The following CTIF variants were observed in gnomAD, a reference collection of about 807,000 sequenced individuals.
CTIF encodes cap binding complex dependent translation initiation factor.
Under a neutral mutation model 66.0 loss-of-function variants are expected in CTIF, and 21 were observed. That is an observed-to-expected ratio of 0.32 (90% CI 0.23 to 0.46). CTIF has a LOEUF of 0.46. CTIF is among the 20% of genes least tolerant of loss of function. The pLI is 1.00. For missense variants in CTIF, 739 were observed against 812.7 expected, an observed-to-expected ratio of 0.91 and a Z score of 1.10; for synonymous variants, 345 against 326.4, an observed-to-expected ratio of 1.06 and a Z score of -0.62.
intron 1 of CTIF, among the ~76,000 whole-genome samples, chr18:48,575,778 G>T (rs1278808361): frequency 1.3e-5 from 2 of 152,226 alleles, no homozygotes; most frequent in African/African-American, 2.4e-5. Flanking sequence ...CTGGGCTGTG[G>T]CCGCAACCCC....
chr18:48,653,992 C>T (rs1484671497), intron 3 of CTIF, among the ~76,000 whole-genome samples: 1 of 152,140 alleles, frequency 6.6e-6, no homozygotes, highest in African/African-American at 2.4e-5. Flanking sequence ...GGATTAAAGA[C>T]TTAAATGTTA....
chr18:48,688,192 G>C (rs2091873211), intron 6 of CTIF: 1 of 152,284 alleles, frequency 6.6e-6, no homozygotes, highest in Non-Finnish European at 1.5e-5. Context: ...TTTGTCAGCT[G>C]CTCCTCCTCT....
chr18:48,811,468 C>T (rs973376284), intron 9 of CTIF, among the ~76,000 whole-genome samples: 3 of 152,122 alleles, frequency 2.0e-5, no homozygotes, highest in African/African-American at 7.2e-5. Flanking sequence ...TCTAAGTGTA[C>T]AGTTCAATAG....
chr18:48,566,074 A>C (rs2089274161), intron 1 of CTIF: 2 of 152,196 alleles, frequency 1.3e-5, no homozygotes, highest in Admixed American at 6.5e-5. Flanking sequence ...AACAGGCAAC[A>C]AGTTCTGCCA....
chr18:48,773,884 G>C (rs572974840), intron 9 of CTIF, among the ~76,000 whole-genome samples: 1 of 152,326 alleles, frequency 6.6e-6, no homozygotes, highest in East Asian at 1.9e-4. Context: ...ACAGGAAGAG[G>C]AGATGACAGG....
At chr18:48,689,681 G>T (rs554455283) in intron 6 of CTIF, among the ~76,000 whole-genome samples, 1 of 152,210 alleles carries the variant, frequency 6.6e-6, no homozygotes, top group African/African-American at 2.4e-5. Flanking sequence ...CCCCAGGCCA[G>T]CGCAGATGAG....
chr18:48,669,564 C>G (rs1296797422), intron 5 of CTIF, among the ~76,000 whole-genome samples: 1 of 151,628 alleles, frequency 6.6e-6, no homozygotes, highest in African/African-American at 2.4e-5. Context: ...AATTAATCAC[C>G]CTCCTGCCTC....
At chr18:48,732,962 G>A (rs531003449) in intron 7 of CTIF, among the ~76,000 whole-genome samples, 1 of 152,328 alleles carries the variant, frequency 6.6e-6, no homozygotes, top group South Asian at 2.1e-4. Flanking sequence ...AGACAAGATT[G>A]GGCATGTTCA....
At position 48,859,567 on chromosome 18, in the gene CTIF, G is replaced by C; in HGVS notation, c.*8G>C. The C allele has an allele frequency of 6.2e-7, 1 of 1,613,538 alleles. No individual in the cohort carries two copies. Among genetic ancestry groups the C allele is most frequent in the Non-Finnish European group, 8.5e-7 (1 of 1,179,786 alleles). On this transcript the variant is annotated 3_prime_UTR_variant, in exon 12 of 12. Coordinates refer to ENST00000256413, the MANE Select transcript of CTIF (RefSeq NM_014772.3). ...CAGAAACTGACAGCCTGACAGCCAG[G>C]GGGCCTGGCAGGCGGCCCACGGGCA...
intron 7 of CTIF, among the ~76,000 whole-genome samples, chr18:48,743,546 C>A (rs2092571933): frequency 6.6e-6 from 1 of 152,186 alleles, no homozygotes; most frequent in South Asian, 2.1e-4. Context: ...GGTAATATGT[C>A]ATTTTGAAAT....
At chr18:48,574,552 G>T (rs182188861) in intron 1 of CTIF, among the ~76,000 whole-genome samples, 21 of 152,192 alleles carry the variant, frequency 1.4e-4, no homozygotes, top group Admixed American at 1.4e-3. Context: ...GCCCAGGGCC[G>T]CTTGGGACCC....
intron 3 of CTIF, among the ~76,000 whole-genome samples, chr18:48,652,914 G>A (rs1158278388): frequency 3.3e-5 from 5 of 152,138 alleles, no homozygotes; most frequent in Admixed American, 1.3e-4. Context: ...AAAGGCCTTT[G>A]ACAAAATTCA....
At chr18:48,590,445 G>A (rs903750562) in intron 1 of CTIF, among the ~76,000 whole-genome samples, 3 of 152,264 alleles carry the variant, frequency 2.0e-5, no homozygotes, top group Non-Finnish European at 4.4e-5. Flanking sequence ...CTCAGAATTG[G>A]AAGGATCAGA....
intron 2 of CTIF, 114 bp from the exon 3 acceptor site, chr18:48,636,500 A>G: frequency 3.0e-6 from 2 of 674,822 alleles, no homozygotes; most frequent in Non-Finnish European, 4.5e-6. Context: ...ATGGCCAAAT[A>G]GGATTCCACA....
intron 1 of CTIF, among the ~76,000 whole-genome samples, chr18:48,608,497 C>T (rs1449930584): frequency 6.6e-6 from 1 of 152,036 alleles, no homozygotes; most frequent in Admixed American, 6.6e-5. Flanking sequence ...GGGGTGGGGG[C>T]AGGCAGAAGC....
rs900421408 is a variant in CTIF, at chr18:48,707,434, G to T, written c.508-4185G>T. On this transcript the variant is annotated intron_variant, in intron 6 of 11. Coordinates refer to ENST00000256413, the MANE Select transcript of CTIF (RefSeq NM_014772.3). Reference sequence around the variant, plus strand: ...CTTGGACATGCCACCTTTTCCAGCCGCATCTTAACAGATAATGTTTTAGGG... The same window carrying T: ...CTTGGACATGCCACCTTTTCCAGCCTCATCTTAACAGATAATGTTTTAGGG... 8.5e-5 allele frequency among the ~76,000 whole-genome samples: 13 copies of T among 152,250 alleles called. 4 individuals carry two copies.
At chr18:48,752,117 C>T (rs529563619) in intron 7 of CTIF, among the ~76,000 whole-genome samples, 1 of 152,352 alleles carries the variant, frequency 6.6e-6, no homozygotes, top group East Asian at 1.9e-4. Context: ...TGAGCTACCA[C>T]ACTTCTTACA....
intron 10 of CTIF, among the ~76,000 whole-genome samples, chr18:48,823,095 T>G (rs1568247033): frequency 6.6e-6 from 1 of 152,246 alleles, no homozygotes; most frequent in Non-Finnish European, 1.5e-5. Flanking sequence ...TGCAAATATT[T>G]TCTCCTGTTC....
intron 1 of CTIF, among the ~76,000 whole-genome samples, chr18:48,611,703 T>A (rs2090310727): frequency 6.6e-6 from 1 of 152,238 alleles, no homozygotes; most frequent in Admixed American, 6.5e-5. Flanking sequence ...CATTAAAGTT[T>A]CGGAAGCAGT....
Sources: allele counts gnomAD v4.1 joint callset (sites outside exome capture counted in the v4.1 genomes callset), GRCh38; gene constraint gnomAD v4.1.1; transcripts MANE v1.5; gene names NCBI Gene and HGNC (gene_info 2026-07-23, HGNC 2026-07-21).